Variants in SEMA5A observed in about 807,000 individuals in gnomAD.
The protein encoded by SEMA5A is semaphorin 5A.
In SEMA5A, 55 loss-of-function variants were observed where a neutral mutation model predicts 135.5. That is an observed-to-expected ratio of 0.41 (90% CI 0.33 to 0.51). SEMA5A has a LOEUF of 0.51. Among genes scored for constraint, SEMA5A ranks in the 20% least tolerant of loss-of-function variants. The pLI is 0.37. For synonymous variants in SEMA5A, 580 were observed against 546.5 expected (o/e 1.06, Z -0.85); for missense variants, 1,290 against 1,419.9 (o/e 0.91, Z 1.47).
chr5:9,387,048 G>A (rs891659207), intron 2 of SEMA5A, among the ~76,000 whole-genome samples: 3 of 152,218 alleles, frequency 2.0e-5, no homozygotes, highest in Non-Finnish European at 4.4e-5. Flanking sequence ...TGGGCTCAGA[G>A]AGATTAAACA....
At position 9,164,955 on chromosome 5, in the gene SEMA5A, C is replaced by T. The variant is rs573433602; in HGVS notation, c.1274-10260G>A. The stretch of plus-strand genomic sequence containing the variant: ...TCCAATATAATATTTACCATCACAA[C>T]GAGTAAAAACAGTGCACAATTGTCC... On this transcript the variant is annotated intron_variant, in intron 11 of 22. Coordinates refer to ENST00000382496, the MANE Select transcript of SEMA5A (RefSeq NM_003966.3). Among the ~76,000 whole-genome samples the T allele has an allele frequency of 1.4e-4, 21 of 152,250 alleles. No individual in the cohort carries two copies. The East Asian group carries it at 3.5e-3, about 25-fold the overall frequency.
chr5:9,214,427 A>G (rs960075867), intron 8 of SEMA5A, among the ~76,000 whole-genome samples: 1 of 152,226 alleles, frequency 6.6e-6, no homozygotes, highest in African/African-American at 2.4e-5. Context: ...ATTCATCAGT[A>G]TATAACCAAT....
intron 3 of SEMA5A, among the ~76,000 whole-genome samples, chr5:9,373,914 A>G (rs759193508): frequency 2.0e-5 from 3 of 152,232 alleles, no homozygotes; most frequent in Admixed American, 2.0e-4. Flanking sequence ...AACAAACAAA[A>G]GCAGAATATG....
At chr5:9,484,381 C>T (rs1044670016) in intron 1 of SEMA5A, among the ~76,000 whole-genome samples, 8 of 152,052 alleles carry the variant, frequency 5.3e-5, no homozygotes, top group Admixed American at 1.3e-4. Context: ...TTTAACACAC[C>T]GGTTGTTATT....
intron 1 of SEMA5A, among the ~76,000 whole-genome samples, chr5:9,516,203 A>G (rs1456005996): frequency 6.6e-6 from 1 of 152,114 alleles, no homozygotes; most frequent in Non-Finnish European, 1.5e-5. Flanking sequence ...CTCACATGAC[A>G]TACATACCTC....
chr5:9,372,048 A>C (rs372628654), intron 3 of SEMA5A, among the ~76,000 whole-genome samples: 2 of 152,344 alleles, frequency 1.3e-5, no homozygotes, highest in African/African-American at 4.8e-5. Context: ...AATCACACAC[A>C]TTTATGATTT....
intron 4 of SEMA5A, among the ~76,000 whole-genome samples, chr5:9,321,969 G>A (rs963739024): frequency 4.6e-5 from 7 of 152,090 alleles, no homozygotes; most frequent in Admixed American, 1.3e-4. Flanking sequence ...GAGAAAAGAC[G>A]ATAGCACAGT....
Position 9,178,303 on chromosome 5 carries a change from T to A in SEMA5A, c.1273+11964A>T, listed in dbSNP as rs185233284. Among the ~76,000 whole-genome samples, 46 of 151,514 alleles carry A rather than the reference T, an allele frequency of 3.0e-4. No homozygotes were observed. The East Asian group carries it at 6.0e-3, about 20-fold the overall frequency. Reference sequence around the variant, plus strand: ...CTCCTGAGTGAGGAAAAAAAATGTATAAGCTCTCTTTCTTTTTTTTTTCTC... The same window carrying A: ...CTCCTGAGTGAGGAAAAAAAATGTAAAAGCTCTCTTTCTTTTTTTTTTCTC... On this transcript the variant is annotated intron_variant, in intron 11 of 22. Coordinates refer to ENST00000382496, the MANE Select transcript of SEMA5A (RefSeq NM_003966.3).
At chr5:9,381,795 A>G (rs1755620829) in intron 2 of SEMA5A, among the ~76,000 whole-genome samples, 1 of 152,216 alleles carries the variant, frequency 6.6e-6, no homozygotes, top group Non-Finnish European at 1.5e-5. Context: ...AGTGGTTGTT[A>G]TAATCTGCTA....
intron 16 of SEMA5A, among the ~76,000 whole-genome samples, chr5:9,094,664 CCTT>C (rs1300905977): frequency 4.6e-5 from 7 of 152,224 alleles, no homozygotes; most frequent in Non-Finnish European, 8.8e-5. Flanking sequence ...ATTTCACAGT[CCTT>C]CTTTCAGTCA....
intron 1 of SEMA5A, among the ~76,000 whole-genome samples, chr5:9,535,112 G>A (rs984086194): frequency 2.0e-5 from 3 of 152,190 alleles, no homozygotes; most frequent in East Asian, 1.9e-4. Flanking sequence ...GAAGATCCTC[G>A]CTGTGAATCC....
intron 16 of SEMA5A, among the ~76,000 whole-genome samples, chr5:9,093,393 A>T (rs748479171): frequency 6.3e-4 from 96 of 152,216 alleles, no homozygotes; most frequent in Non-Finnish European, 9.7e-4. Context: ...AGGTCTAATT[A>T]TGCAACTGTG....
At chr5:9,332,222 T>A (rs900210715) in intron 4 of SEMA5A, among the ~76,000 whole-genome samples, 111 of 151,716 alleles carry the variant, frequency 7.3e-4, no homozygotes, top group Non-Finnish European at 1.5e-3. Flanking sequence ...GGTACTCACA[T>A]TGCGTCAGGT....
Position 9,360,801 on chromosome 5 carries a change from C to T in SEMA5A, c.124+19022G>A, listed in dbSNP as rs116736480. On this transcript the variant is annotated intron_variant, in intron 3 of 22. Coordinates refer to ENST00000382496, the MANE Select transcript of SEMA5A (RefSeq NM_003966.3). ...TCTAAGGAAAAGCAAGAAACACAAA[C>T]GATTCTTTTCATTTTATAATTTTCT... Among the ~76,000 whole-genome samples, 672 of 152,134 alleles carry T rather than the reference C, an allele frequency of 4.4e-3. 9 individuals are homozygous for T. Among genetic ancestry groups the T allele is most frequent in the African/African-American group, 0.015 (635 of 41,496 alleles).
chr5:9,256,593 C>A (rs1026759009), intron 5 of SEMA5A, among the ~76,000 whole-genome samples: 2 of 152,214 alleles, frequency 1.3e-5, no homozygotes, highest in Non-Finnish European at 2.9e-5. Flanking sequence ...AGCACACTTA[C>A]CAGTTTCTAA....
At chr5:9,106,092 G>A (rs1739898329) in intron 16 of SEMA5A, among the ~76,000 whole-genome samples, 1 of 152,150 alleles carries the variant, frequency 6.6e-6, no homozygotes. Context: ...CTACCACTGA[G>A]AAGTGGATTG....
At chr5:9,107,378 C>A (rs1399389050) in intron 16 of SEMA5A, among the ~76,000 whole-genome samples, 2 of 150,180 alleles carry the variant, frequency 1.3e-5, no homozygotes, top group African/African-American at 4.9e-5. Context: ...AAAAAAAAAA[C>A]ATGCATTCTC....
At chr5:9,438,304 C>A (rs1758106505) in intron 1 of SEMA5A, among the ~76,000 whole-genome samples, 1 of 152,130 alleles carries the variant, frequency 6.6e-6, no homozygotes, top group South Asian at 2.1e-4. Context: ...AGCACAAACT[C>A]TGCTAGAAAT....
At chr5:9,523,826 T>C (rs913809454) in intron 1 of SEMA5A, among the ~76,000 whole-genome samples, 1 of 152,236 alleles carries the variant, frequency 6.6e-6, no homozygotes, top group Non-Finnish European at 1.5e-5. Flanking sequence ...CTCCGCTCCC[T>C]TACAGATGGT....
Sources: gnomAD v4.1 joint callset for allele counts (sites outside exome capture counted in the v4.1 genomes callset) on GRCh38, gnomAD v4.1.1 for gene constraint, MANE v1.5 for transcripts, NCBI Gene and HGNC (gene_info 2026-07-23, HGNC 2026-07-21) for gene names.